The following KCNIP4 variants were observed in gnomAD, a reference collection of about 807,000 sequenced individuals.
The protein encoded by KCNIP4 is potassium voltage-gated channel interacting protein 4, also known as Kv channel-interacting protein 4.
A neutral mutation model predicts 34.0 loss-of-function variants in KCNIP4; 12 were observed. The ratio of observed to expected loss-of-function variants is 0.35; its 90% CI spans 0.23 to 0.57. KCNIP4 has a LOEUF of 0.57. Among genes scored for constraint, KCNIP4 ranks in the 20% least tolerant of loss-of-function variants. The pLI is 0.83. For synonymous variants in KCNIP4, 124 were observed against 102.2 expected (o/e 1.21, Z -1.29); for missense variants, 238 against 311.7 (o/e 0.76, Z 1.78).
intron 1 of KCNIP4, among the ~76,000 whole-genome samples, chr4:21,252,648 C>A (rs369567492): frequency 5.9e-4 from 90 of 152,120 alleles, no homozygotes; most frequent in African/African-American, 2.0e-3. Flanking sequence ...AAAAATTTCC[C>A]CATGCTGTCA....
chr4:21,180,053 C>T (rs1754728933), intron 1 of KCNIP4, among the ~76,000 whole-genome samples: 1 of 152,124 alleles, frequency 6.6e-6, no homozygotes, highest in African/African-American at 2.4e-5. Flanking sequence ...AGAGCTTTAA[C>T]AGGCTGCTAA....
intron 1 of KCNIP4, among the ~76,000 whole-genome samples, chr4:21,267,198 A>G (rs1761865851): frequency 6.6e-6 from 1 of 152,220 alleles, no homozygotes; most frequent in South Asian, 2.1e-4. Flanking sequence ...CAGCTAGAAG[A>G]ATATTCATAG....
chr4:21,429,077 T>C (rs1726191392), intron 1 of KCNIP4, among the ~76,000 whole-genome samples: 1 of 152,206 alleles, frequency 6.6e-6, no homozygotes, highest in South Asian at 2.1e-4. Flanking sequence ...TATCCACTAT[T>C]ATAGTATCAT....
At chr4:21,859,856 AT>A (rs1724972239) in intron 1 of KCNIP4, among the ~76,000 whole-genome samples, 2 of 151,936 alleles carry the variant, frequency 1.3e-5, no homozygotes, top group South Asian at 4.1e-4. Context: ...AGTGAGACTT[AT>A]CTCTACAAAT....
intron 1 of KCNIP4, among the ~76,000 whole-genome samples, chr4:21,044,235 T>C (rs1480536469): frequency 1.3e-5 from 2 of 152,148 alleles, no homozygotes; most frequent in African/African-American, 4.8e-5. Context: ...CTCCAGTAGA[T>C]TGTCCTATGG....
At chr4:21,308,874 A>C (rs553136206) in intron 1 of KCNIP4, among the ~76,000 whole-genome samples, 2 of 152,268 alleles carry the variant, frequency 1.3e-5, no homozygotes, top group South Asian at 4.2e-4. Context: ...CCCCATTTAA[A>C]GAAGTTTCTT....
At chr4:21,196,306 T>G (rs890720564) in intron 1 of KCNIP4, among the ~76,000 whole-genome samples, 1 of 152,192 alleles carries the variant, frequency 6.6e-6, no homozygotes, top group Non-Finnish European at 1.5e-5. Context: ...CTTAATTAAG[T>G]CATTCTATCT....
chr4:21,513,628 G>A (rs1734517721), intron 1 of KCNIP4, among the ~76,000 whole-genome samples: 2 of 152,326 alleles, frequency 1.3e-5, no homozygotes, highest in African/African-American at 4.8e-5. Context: ...GTGGTTTGCT[G>A]TGAGAGTGGA....
chr4:21,545,103 G>T (rs1738026736), intron 1 of KCNIP4, among the ~76,000 whole-genome samples: 1 of 152,072 alleles, frequency 6.6e-6, no homozygotes, highest in Non-Finnish European at 1.5e-5. Context: ...GTGACCTCTG[G>T]TCGTCCTCAC....
intron 1 of KCNIP4, among the ~76,000 whole-genome samples, chr4:21,228,927 C>G (rs143281938): frequency 6.6e-6 from 1 of 152,284 alleles, no homozygotes; most frequent in African/African-American, 2.4e-5. Context: ...TAGCTCTGAA[C>G]ACACCATTAC....
chr4:20,872,064 T>C (rs1046795070), intron 2 of KCNIP4, among the ~76,000 whole-genome samples: 8 of 152,126 alleles, frequency 5.3e-5, no homozygotes, highest in Admixed American at 1.3e-4. Flanking sequence ...TCTGTAATGA[T>C]ATGATGATTT....
chr4:21,123,863 C>T (rs1233266192), intron 1 of KCNIP4, among the ~76,000 whole-genome samples: 7 of 152,054 alleles, frequency 4.6e-5, no homozygotes, highest in South Asian at 2.1e-4. Context: ...TGGCTGTCTC[C>T]GAGCCAAGAA....
intron 1 of KCNIP4, among the ~76,000 whole-genome samples, chr4:21,205,786 G>A (rs182739239): frequency 4.1e-4 from 63 of 152,262 alleles, no homozygotes; most frequent in African/African-American, 1.3e-3. Context: ...GAAGCCAGGC[G>A]GTCTGTCTCC....
rs745514653 is a variant in KCNIP4 at position 20,732,045 on chromosome 4, C to A, written c.666G>T (p.Gly222=). 4.3e-6 allele frequency: 7 copies of A among 1,612,372 alleles called. No homozygotes were observed. The highest frequency in any genetic ancestry group is 5.9e-6 in the Non-Finnish European group (7 of 1,179,438). The change falls in exon 8 of 9, where the codon GGG becomes GGT. Residue 222 remains glycine, a synonymous_variant. Coordinates refer to ENST00000382152, the MANE Select transcript of KCNIP4 (RefSeq NM_025221.6). ...FFQKMDKNKD[G]VVTIDEFIES... ...CAATGAACTCATCTATGGTAACAAC[C>A]CCATCTTTATTTTTGTCCATTTTCT... is the stretch of plus-strand genomic sequence containing the variant.
chr4:21,060,812 A>G (rs949511388), intron 1 of KCNIP4, among the ~76,000 whole-genome samples: 1 of 152,210 alleles, frequency 6.6e-6, no homozygotes, highest in Non-Finnish European at 1.5e-5. Context: ...CTCACGAATC[A>G]GAAACACCTG....
chr4:20,947,208 G>T (rs1445008131), intron 1 of KCNIP4, among the ~76,000 whole-genome samples: 1 of 152,110 alleles, frequency 6.6e-6, no homozygotes, highest in Non-Finnish European at 1.5e-5. Flanking sequence ...TCACTCTGCT[G>T]TCCAGGGTGG....
At chr4:21,248,843 T>TTTC (rs1760478790) in intron 1 of KCNIP4, among the ~76,000 whole-genome samples, 1 of 152,094 alleles carries the variant, frequency 6.6e-6, no homozygotes, top group Non-Finnish European at 1.5e-5. Flanking sequence ...AGAGGTTAGT[T>TTTC]AAACAACTTT....
chr4:21,156,863 G>A (rs1057501416), intron 1 of KCNIP4, among the ~76,000 whole-genome samples: 1 of 151,804 alleles, frequency 6.6e-6, no homozygotes, highest in Non-Finnish European at 1.5e-5. Flanking sequence ...CAACTAATAA[G>A]GTAATATGCA....
intron 2 of KCNIP4, among the ~76,000 whole-genome samples, chr4:20,863,884 A>C (rs1053144683): frequency 1.3e-5 from 2 of 152,088 alleles, no homozygotes; most frequent in African/African-American, 4.8e-5. Context: ...AGCAAAGAAC[A>C]ATCACTAATA....
Sources: gnomAD v4.1 joint callset for allele counts (sites outside exome capture counted in the v4.1 genomes callset) on GRCh38, gnomAD v4.1.1 for gene constraint, MANE v1.5 for transcripts, NCBI Gene and HGNC (gene_info 2026-07-23, HGNC 2026-07-21) for gene names.